Variants in GLIS3 observed in about 807,000 individuals in gnomAD.
The protein encoded by GLIS3 is GLIS family zinc finger 3.
A neutral mutation model predicts 78.6 loss-of-function variants in GLIS3; 53 were observed. That is an observed-to-expected ratio of 0.67 (90% confidence interval 0.54 to 0.85). The LOEUF (loss-of-function observed/expected upper bound fraction) is 0.85, where lower values mean the gene tolerates loss of function less well. Among genes scored for constraint, GLIS3 ranks in the 40% least tolerant of loss-of-function variants. The pLI, the probability that GLIS3 is intolerant of heterozygous loss-of-function variation, is 0.00. For missense variants in GLIS3, 1,703 were observed against 1,231.1 expected (o/e 1.38, Z -5.74); for synonymous variants, 684 against 509.9 (o/e 1.34, Z -4.60).
At chr9:4,246,112 C>G (rs1334218882) in intron 2 of GLIS3, among the ~76,000 whole-genome samples, 1 of 152,142 alleles carries the variant, frequency 6.6e-6, no homozygotes, top group Non-Finnish European at 1.5e-5. Context: ...CACGGTGGCT[C>G]ATGCCTGTAA....
intron 2 of GLIS3, among the ~76,000 whole-genome samples, chr9:4,234,377 C>A (rs1822530206): frequency 6.6e-6 from 1 of 152,074 alleles, no homozygotes; most frequent in Non-Finnish European, 1.5e-5. Context: ...TTCAATACTG[C>A]TGTGTTTTAA....
At chr9:4,261,650 C>T (rs1018639059) in intron 2 of GLIS3, among the ~76,000 whole-genome samples, 5 of 152,164 alleles carry the variant, frequency 3.3e-5, no homozygotes, top group Non-Finnish European at 7.3e-5. Context: ...TGCCCCTGAG[C>T]GAATGGATGG....
the GLIS3 span, among the ~76,000 whole-genome samples, chr9:4,366,244 T>G: frequency 2.6e-4 from 40 of 152,354 alleles, no homozygotes; most frequent in Middle Eastern, 3.4e-3. Context: ...AACATTTAAT[T>G]AGATTTTACT....
the GLIS3 span, among the ~76,000 whole-genome samples, chr9:4,406,157 C>A: frequency 5.0e-3 from 766 of 152,152 alleles, 14 homozygotes; most frequent in African/African-American, 0.017. Context: ...CTTCTTAGAT[C>A]TGGAAGACAA....
chr9:4,143,794 G>A (rs941201344), intron 2 of GLIS3, among the ~76,000 whole-genome samples: 1 of 152,090 alleles, frequency 6.6e-6, no homozygotes, highest in East Asian at 1.9e-4. Context: ...CAGCATTTTG[G>A]ATTCCACACC....
rs1171775660 is a variant in GLIS3 at position 3,828,519 on chromosome 9, C to T, written c.2657-111G>A. 2.5e-5 allele frequency: 35 copies of T among 1,373,434 alleles called. 1 individual carries two copies. The South Asian group carries it at 3.9e-4, about 15-fold the overall frequency. The allele number at this position is 1,373,434 out of a possible 1,614,324, so 85.1% of individuals were successfully genotyped here. On this transcript the variant is annotated intron_variant, in intron 10 of 10. Coordinates refer to ENST00000381971, the MANE Select transcript of GLIS3 (RefSeq NM_001042413.2). ...AAGTGAGGACTGGGGGCTAAGGAGG[C>T]AACCATGCCAGCCTGGGCCCTATAG...
Position 4,214,683 on chromosome 9 carries a change from C to T in GLIS3, c.388+71355G>A, listed in dbSNP as rs946843688. Among the ~76,000 whole-genome samples, 13 of 152,194 alleles carry T rather than the reference C, an allele frequency of 8.5e-5. No individual in the cohort carries two copies. In the South Asian group the frequency reaches 1.0e-3, roughly 12 times the overall value. On this transcript the variant is annotated intron_variant, in intron 2 of 10. Coordinates refer to ENST00000381971, the MANE Select transcript of GLIS3 (RefSeq NM_001042413.2). Reference sequence around the variant, plus strand: ...ATCCCTGTCATAAAGTCTCTAAGGACGCTGTATTCTTTCCTAAGACCAAGG... The same window carrying T: ...ATCCCTGTCATAAAGTCTCTAAGGATGCTGTATTCTTTCCTAAGACCAAGG...
intron 2 of GLIS3, among the ~76,000 whole-genome samples, chr9:4,206,303 T>A (rs1819874514): frequency 6.6e-6 from 1 of 152,228 alleles, no homozygotes; most frequent in Admixed American, 6.5e-5. Flanking sequence ...TCAGAGAGGC[T>A]GTAATGAGGG....
chr9:4,118,403 T>G lies in GLIS3; in HGVS notation c.1075A>C (p.Ile359Leu). 9 of 1,606,362 alleles carry G rather than the reference T, an allele frequency of 5.6e-6. No homozygotes were observed. Among genetic ancestry groups the G allele is most frequent in the Non-Finnish European group, 7.6e-6 (9 of 1,179,194 alleles). ...CCGGGCACCGGGCGCGGCTGGGGAA[T>G]GCAGCTGCCGCGCACGCCCAGGAAA... ...GHFLGVRGSC[I>L]PQPRPVPGSQ... Residue 359 changes from isoleucine (I) to leucine (L), a missense_variant, in exon 4 of 11, where the codon ATT becomes CTT. Transcript: ENST00000381971. This position sits in a 1 kb window ranked among gnomAD's most constrained non-coding sequence, Gnocchi z 4.7.
chr9:4,070,342 T>C (rs372707863), intron 4 of GLIS3, among the ~76,000 whole-genome samples: 228 of 152,254 alleles, frequency 1.5e-3, no homozygotes, highest in African/African-American at 1.9e-3. Context: ...AGTAAGCAAA[T>C]TGACAAAGAC....
At chr9:4,480,467 C>G in the GLIS3 span, among the ~76,000 whole-genome samples, 1 of 151,986 alleles carries the variant, frequency 6.6e-6, no homozygotes, top group African/African-American at 2.4e-5. Flanking sequence ...TCGCAAAGTG[C>G]TAGGATTATA....
the GLIS3 span, among the ~76,000 whole-genome samples, chr9:4,411,138 T>C: frequency 6.6e-6 from 1 of 152,202 alleles, no homozygotes; most frequent in Non-Finnish European, 1.5e-5. Context: ...TGGTTACCAC[T>C]CACAATGTCC....
chr9:3,875,458 G>A (rs2130426736), intron 8 of GLIS3: 1 of 152,250 alleles, frequency 6.6e-6, no homozygotes. Flanking sequence ...TGAAAGCTAA[G>A]TAAATGATGA....
chr9:4,113,219 T>A (rs1193743906), intron 4 of GLIS3, among the ~76,000 whole-genome samples: 1 of 152,182 alleles, frequency 6.6e-6, no homozygotes, highest in African/African-American at 2.4e-5. Context: ...TAGTATTTCA[T>A]TAGGAATAAG....
At chr9:4,471,337 G>A in the GLIS3 span, among the ~76,000 whole-genome samples, 1 of 152,108 alleles carries the variant, frequency 6.6e-6, no homozygotes, top group African/African-American at 2.4e-5. Flanking sequence ...GAGGCATCAC[G>A]TTATGTAAAT....
chr9:4,377,999 TAA>T, the GLIS3 span, among the ~76,000 whole-genome samples: 1 of 152,176 alleles, frequency 6.6e-6, no homozygotes, highest in South Asian at 2.1e-4. Context: ...CTGCAGCCAG[TAA>T]AACTTATGTG....
chr9:4,077,902 A>T lies in GLIS3; in HGVS notation c.1710+39866T>A, dbSNP rs1252656339. On this transcript the variant is annotated intron_variant, in intron 4 of 10. Transcript: ENST00000381971. ...TTCCTCTGAGCTTCTAAGTTTTAATAATTCCAATCTCTTTCCTTTGTTCCT... is the reference window on the plus strand; with the variant it reads ...TTCCTCTGAGCTTCTAAGTTTTAATTATTCCAATCTCTTTCCTTTGTTCCT... Among the ~76,000 whole-genome samples, 5 of 152,196 alleles carry T rather than the reference A, an allele frequency of 3.3e-5. No individual in the cohort carries two copies. The East Asian group carries it at 9.6e-4, about 29-fold the overall frequency.
At chr9:4,416,844 G>A in the GLIS3 span, among the ~76,000 whole-genome samples, 4 of 133,982 alleles carry the variant, frequency 3.0e-5, no homozygotes, top group African/African-American at 1.1e-4. Context: ...TTTAGATGGA[G>A]TTTCACTCTT....
intron 2 of GLIS3, among the ~76,000 whole-genome samples, chr9:4,334,599 AG>A (rs1367532253): frequency 1.3e-5 from 2 of 152,218 alleles, no homozygotes; most frequent in Non-Finnish European, 2.9e-5. Context: ...CAGGTTACCT[AG>A]GTGAACGCCA....
Sources: gnomAD v4.1 joint callset for allele counts (sites outside exome capture counted in the v4.1 genomes callset) on GRCh38, gnomAD v4.1.1 for gene constraint, Gnocchi (gnomAD v3.1) non-coding constraint, MANE v1.5 for transcripts, NCBI Gene and HGNC (gene_info 2026-07-23, HGNC 2026-07-21) for gene names.